Variants in MMP20 observed in about 807,000 individuals in gnomAD.
MMP20 encodes matrix metalloproteinase-20.
In MMP20, 50 loss-of-function variants were observed where a neutral mutation model predicts 51.8. The ratio of observed to expected loss-of-function variants is 0.97; its 90% CI spans 0.77 to 1.22. The LOEUF is 1.22. Among genes scored for constraint, MMP20 ranks in the 50% most tolerant of loss-of-function variants. The probability of loss-of-function intolerance (pLI) is 0.00; values close to 1 mark genes in which losing one functional copy is unlikely to be tolerated. For missense variants in MMP20, 663 were observed against 601.4 expected, an observed-to-expected ratio of 1.10 and a Z score of -1.07; for synonymous variants, 244 against 216.2, an observed-to-expected ratio of 1.13 and a Z score of -1.13.
At chr11:102,581,718 A>G (rs955277636) in intron 8 of MMP20, among the ~76,000 whole-genome samples, 4 of 152,214 alleles carry the variant, frequency 2.6e-5, no homozygotes, top group African/African-American at 9.7e-5. Flanking sequence ...TCAGAGACAC[A>G]ATGTTCAATG....
At chr11:102,588,218 T>C (rs1859275852) in intron 8 of MMP20, among the ~76,000 whole-genome samples, 1 of 152,108 alleles carries the variant, frequency 6.6e-6, no homozygotes, top group Admixed American at 6.5e-5. Context: ...TATAGAAACA[T>C]TACTCCTATA....
chr11:102,579,706 G>A (rs866462834), intron 8 of MMP20, among the ~76,000 whole-genome samples: 14 of 152,126 alleles, frequency 9.2e-5, no homozygotes, highest in African/African-American at 2.2e-4. Context: ...GGTACCACAA[G>A]CTTGGAAGTC....
intron 2 of MMP20, among the ~76,000 whole-genome samples, chr11:102,612,216 G>C (rs962724527): frequency 6.6e-6 from 1 of 152,174 alleles, no homozygotes; most frequent in Non-Finnish European, 1.5e-5. Context: ...TGTAATCCCA[G>C]CACTTTGGAA....
intron 6 of MMP20, among the ~76,000 whole-genome samples, chr11:102,598,162 C>T (rs1439007667): frequency 6.6e-6 from 1 of 152,132 alleles, no homozygotes; most frequent in Non-Finnish European, 1.5e-5. Flanking sequence ...CAGTAACATA[C>T]TCAGACAATT....
At chr11:102,612,025 T>C in intron 2 of MMP20, 122 bp from the exon 3 acceptor site, 1 of 944,170 alleles carries the variant, frequency 1.1e-6, no homozygotes, top group Non-Finnish European at 1.6e-6. Context: ...TCTGAAATAA[T>C]AATTCTTATT....
At chr11:102,584,075 ATGC>A (rs1313637443) in intron 8 of MMP20, among the ~76,000 whole-genome samples, 1 of 152,176 alleles carries the variant, frequency 6.6e-6, no homozygotes, top group African/African-American at 2.4e-5. Context: ...ATTATTAATA[ATGC>A]TGCTATGAAT....
Position 102,593,457 on chromosome 11 carries a change from A to G in MMP20, c.1229T>C (p.Val410Ala). ...GCCATACCTGTAGTATTCATCTCCC[A>G]CAAAGAAAAGGGTCTTCTGTGGCTC... is the stretch of plus-strand genomic sequence containing the variant. ...LREPQKTLFFVGDEYYSYDER... is the reference protein window; with the variant it reads ...LREPQKTLFFAGDEYYSYDER... Residue 410 changes from valine to alanine, a missense_variant, in exon 8 of 10, where the codon GTG becomes GCG. Coordinates refer to ENST00000260228, the MANE Select transcript of MMP20 (RefSeq NM_004771.4). The G allele has an allele frequency of 6.2e-7, 1 of 1,614,138 alleles. No individual in the cohort carries two copies. Among genetic ancestry groups the G allele is most frequent in the Non-Finnish European group, 8.5e-7 (1 of 1,179,980 alleles).
chr11:102,595,765 G>C (rs922291206), intron 6 of MMP20, among the ~76,000 whole-genome samples: 3 of 152,192 alleles, frequency 2.0e-5, no homozygotes, highest in Non-Finnish European at 4.4e-5. Context: ...GTATACCCAT[G>C]AGGGTACTGG....
At chr11:102,578,146 ATT>A (rs35835372) in intron 9 of MMP20, among the ~76,000 whole-genome samples, 2 of 146,648 alleles carry the variant, frequency 1.4e-5, no homozygotes, top group Non-Finnish European at 3.0e-5. Context: ...CTTGAGACAG[ATT>A]TTTTTTTTTT....
chr11:102,605,119 T>G (rs995903740), intron 6 of MMP20: 2 of 152,226 alleles, frequency 1.3e-5, no homozygotes, highest in Non-Finnish European at 2.9e-5. Flanking sequence ...ATGGGACTAG[T>G]GCACTTATAA....
At chr11:102,579,589 C>T (rs1859169917) in intron 8 of MMP20, among the ~76,000 whole-genome samples, 1 of 152,194 alleles carries the variant, frequency 6.6e-6, no homozygotes, top group South Asian at 2.1e-4. Context: ...GCTGGGATTA[C>T]AGGAATAAGC....
chr11:102,607,484 A>T (rs1038900054), intron 5 of MMP20: 2 of 152,622 alleles, frequency 1.3e-5, no homozygotes, highest in Non-Finnish European at 2.9e-5. Flanking sequence ...AGGCACAGGG[A>T]AGGGAAAGGT....
At chr11:102,591,015 T>A (rs1565391235) in intron 8 of MMP20, among the ~76,000 whole-genome samples, 1 of 152,190 alleles carries the variant, frequency 6.6e-6, no homozygotes, top group Non-Finnish European at 1.5e-5. Context: ...AAACAAACCC[T>A]CATGTGTTTA....
intron 1 of MMP20, among the ~76,000 whole-genome samples, chr11:102,618,147 C>CA (rs1485367657): frequency 2.6e-5 from 4 of 151,574 alleles, no homozygotes; most frequent in East Asian, 3.9e-4. Context: ...GGAAAAGCTA[C>CA]AAAAAAAATG....
chr11:102,590,674 A>G (rs1375231331), intron 8 of MMP20, among the ~76,000 whole-genome samples: 1 of 152,230 alleles, frequency 6.6e-6, no homozygotes. Flanking sequence ...TAAGACAAAT[A>G]AAACCTAACA....
intron 1 of MMP20, among the ~76,000 whole-genome samples, chr11:102,618,823 A>G (rs1859709065): frequency 6.6e-6 from 1 of 152,144 alleles, no homozygotes; most frequent in Non-Finnish European, 1.5e-5. Context: ...ATGAGCATGA[A>G]CCATTACTGC....
rs747109329 is a variant in MMP20, at chr11:102,608,965, A to G, written c.783T>C (p.Asp261=). The change falls in exon 5 of 10, where the codon GAT becomes GAC. Residue 261 remains aspartate (D), a synonymous_variant. Coordinates refer to ENST00000260228, the MANE Select transcript of MMP20 (RefSeq NM_004771.4). ...KNPYGFHLPK[D]DVKGIQALYG... is the part of the protein sequence containing the mutation. ...ATAATGCCTGGATCCCTTTCACATC[A>G]TCTTTGGGGAGGTGGAATCCATAGG... The G allele has an allele frequency of 9.9e-6, 16 of 1,613,954 alleles. No homozygotes were observed. In the Admixed American group the frequency reaches 2.2e-4, roughly 22 times the overall value.
intron 8 of MMP20, among the ~76,000 whole-genome samples, chr11:102,588,271 T>C (rs1347920918): frequency 6.6e-6 from 1 of 152,062 alleles, no homozygotes; most frequent in Non-Finnish European, 1.5e-5. Context: ...ATTATTGTTA[T>C]ACCTATTGTA....
chr11:102,608,598 C>A (rs1859550058), intron 5 of MMP20, among the ~76,000 whole-genome samples: 2 of 152,152 alleles, frequency 1.3e-5, no homozygotes, highest in Admixed American at 6.5e-5. Flanking sequence ...CACTTATCTG[C>A]AAATGGGTAA....
Sources: gnomAD v4.1 joint callset for allele counts (sites outside exome capture counted in the v4.1 genomes callset) on GRCh38, gnomAD v4.1.1 for gene constraint, MANE v1.5 for transcripts, NCBI Gene and HGNC (gene_info 2026-07-23, HGNC 2026-07-21) for gene names.